Variants in TNIK observed in about 807,000 individuals in gnomAD.
TNIK encodes the protein TRAF2 and NCK interacting kinase, also known as TRAF2 and NCK-interacting protein kinase.
TNIK carries 49 observed loss-of-function variants against 191.3 expected under a neutral mutation model. The observed-to-expected ratio is 0.26, with a 90% CI of 0.20 to 0.32. The LOEUF (loss-of-function observed/expected upper bound fraction) is 0.32, where lower values mean the gene tolerates loss of function less well. Among genes scored for constraint, TNIK ranks in the 10% least tolerant of loss-of-function variants. The pLI is 1.00. For synonymous variants in TNIK, 594 were observed against 600.9 expected (o/e 0.99, Z 0.17); for missense variants, 1,155 against 1,702.3 (o/e 0.68, Z 5.66).
intron 13 of TNIK, among the ~76,000 whole-genome samples, chr3:171,140,191 CTCTG>C (rs576230749): frequency 6.6e-5 from 10 of 152,336 alleles, no homozygotes; most frequent in East Asian, 3.9e-4. Context: ...TGTCAGGGAA[CTCTG>C]TCTGGGTAGA....
chr3:171,125,986 G>T lies in TNIK; in HGVS notation c.1939C>A (p.Pro647Thr). 6.2e-7 allele frequency: 1 copy of T among 1,613,958 alleles called. No individual in the cohort carries two copies. Among genetic ancestry groups the T allele is most frequent in the East Asian group, 2.2e-5 (1 of 44,874 alleles). The change falls in exon 17 of 33, where the codon CCT becomes ACT. Residue 647 changes from proline (P) to threonine (T), a missense_variant. Pro to Thr is a conservative substitution (Grantham distance 38). Around this residue, in one of 3 missense-constraint regions of TNIK, gnomAD observed 735 missense variants for 848.0 expected, o/e 0.87. Transcript: ENST00000436636. ...TTTTCAATGCGAGTGGGGAGAGGAG[G>T]ATTTTCCGAGGTGGGATCTGAGTTC... is the stretch of plus-strand genomic sequence containing the variant. ...RQNSDPTSEN[P>T]PLPTRIEKFD... is the part of the protein sequence containing the mutation.
chr3:171,236,660 G>A (rs1317833925), intron 2 of TNIK, among the ~76,000 whole-genome samples: 3 of 152,190 alleles, frequency 2.0e-5, no homozygotes, highest in African/African-American at 7.2e-5. Context: ...GAGAAACAGG[G>A]TTCATTTTTA....
chr3:171,236,338 G>A (rs114968673), intron 2 of TNIK, among the ~76,000 whole-genome samples: 7 of 152,174 alleles, frequency 4.6e-5, no homozygotes, highest in African/African-American at 7.2e-5. Context: ...AATGGCTTAC[G>A]GTGTCCTAAC....
intron 2 of TNIK, among the ~76,000 whole-genome samples, chr3:171,263,055 G>A (rs1747842785): frequency 6.6e-6 from 1 of 152,156 alleles, no homozygotes; most frequent in South Asian, 2.1e-4. Context: ...CTAGCCTAAA[G>A]AGAAGCTAAA....
chr3:171,262,143 A>AG (rs2109133952), intron 2 of TNIK, among the ~76,000 whole-genome samples: 1 of 152,310 alleles, frequency 6.6e-6, no homozygotes, highest in Admixed American at 6.5e-5. Flanking sequence ...TGCTAGAGTG[A>AG]GGGCAGACTG....
chr3:171,160,268 ATCT>A (rs1733812349), intron 11 of TNIK, among the ~76,000 whole-genome samples: 1 of 152,200 alleles, frequency 6.6e-6, no homozygotes, highest in Admixed American at 6.5e-5. Flanking sequence ...GCTCAGTTCC[ATCT>A]TCTTATAGAA....
chr3:171,285,366 G>T (rs993966536), intron 2 of TNIK, among the ~76,000 whole-genome samples: 5 of 152,190 alleles, frequency 3.3e-5, no homozygotes, highest in African/African-American at 1.2e-4. Context: ...ATGTTAGCTT[G>T]CCTGACTTTA....
At chr3:171,304,018 G>C (rs1485939092) in intron 2 of TNIK, among the ~76,000 whole-genome samples, 3 of 151,008 alleles carry the variant, frequency 2.0e-5, no homozygotes, top group African/African-American at 7.3e-5. Context: ...GGGGAGGAAG[G>C]GTGACCTGAG....
At chr3:171,306,151 G>T (rs1753426566) in intron 2 of TNIK, among the ~76,000 whole-genome samples, 1 of 152,112 alleles carries the variant, frequency 6.6e-6, no homozygotes, top group Non-Finnish European at 1.5e-5. Context: ...TTATAAGTGG[G>T]AGCTAAATAA....
intron 9 of TNIK, among the ~76,000 whole-genome samples, chr3:171,175,036 T>A (rs994227397): frequency 6.6e-6 from 1 of 152,208 alleles, no homozygotes; most frequent in Admixed American, 6.5e-5. Flanking sequence ...AATAATTTCT[T>A]ACCTTAAAGG....
At chr3:171,085,696 CCTT>C (rs1721261501) in intron 24 of TNIK, among the ~76,000 whole-genome samples, 2 of 152,232 alleles carry the variant, frequency 1.3e-5, no homozygotes, top group African/African-American at 4.8e-5. Flanking sequence ...AGCTTTGAGC[CCTT>C]CTACTCTGGC....
At position 171,087,359 on chromosome 3, in the gene TNIK, T is replaced by C. The variant is rs200347488; in HGVS notation, c.2869A>G (p.Met957Val). The C allele has an allele frequency of 9.0e-5, 145 of 1,613,756 alleles. 1 individual carries two copies. Among genetic ancestry groups the C allele is most frequent in the Admixed American group, 1.7e-5 (1 of 60,000 alleles). ...LGRVSTHSQE[M>V]DSGTEYGMGS... Reference sequence around the variant, plus strand: ...GCACCTACTTCAGTCCCAGAGTCCATCTCCTGGGAATGGGTTGAGACGCGC... The same window carrying C: ...GCACCTACTTCAGTCCCAGAGTCCACCTCCTGGGAATGGGTTGAGACGCGC... Residue 957 changes from methionine to valine, a missense_variant, in exon 24 of 33, where the codon ATG becomes GTG. By Grantham distance (21) the Met-to-Val change is conservative. Coordinates refer to ENST00000436636, the MANE Select transcript of TNIK (RefSeq NM_015028.4).
intron 2 of TNIK, among the ~76,000 whole-genome samples, chr3:171,335,892 A>G (rs549967682): frequency 6.6e-6 from 1 of 152,308 alleles, no homozygotes; most frequent in South Asian, 2.1e-4. Context: ...CATTCCTATC[A>G]GCAAGGTATG....
intron 3 of TNIK, chr3:171,225,587 T>C: frequency 2.2e-6 from 1 of 456,594 alleles, no homozygotes. Context: ...TCATCTTCTG[T>C]AGAGCTTAGA....
At chr3:171,322,524 TA>T (rs1755267827) in intron 2 of TNIK, among the ~76,000 whole-genome samples, 1 of 152,138 alleles carries the variant, frequency 6.6e-6, no homozygotes, top group Admixed American at 6.5e-5. Context: ...GTGTTTTCTT[TA>T]AAAAAATAAC....
In TNIK at chr3:171,066,541, T is replaced by G. The variant is rs969390417; in HGVS notation, c.3859+35A>C. The G allele has an allele frequency of 1.9e-6, 3 of 1,612,370 alleles. No homozygotes were observed. In the African/African-American group the frequency reaches 4.0e-5, roughly 22 times the overall value. On this transcript the variant is annotated intron_variant, in intron 31 of 32. Coordinates refer to ENST00000436636, the MANE Select transcript of TNIK (RefSeq NM_015028.4). ...TGATTTTCGTTTCATTTGGGGGGTG[T>G]AACTGCTGAAGGAGATAAGGAATGG...
chr3:171,063,731 A>G lies in TNIK; in HGVS notation c.*150T>C, dbSNP rs1718076120. Reference sequence around the variant, plus strand: ...GCTGCAACATTGAAAGATGGACTGTACTGGGAGGGGCGGAGGGAGAGGAAA... The same window carrying G: ...GCTGCAACATTGAAAGATGGACTGTGCTGGGAGGGGCGGAGGGAGAGGAAA... On this transcript the variant is annotated 3_prime_UTR_variant, in exon 33 of 33. Coordinates refer to ENST00000436636, the MANE Select transcript of TNIK (RefSeq NM_015028.4). The G allele has an allele frequency of 1.4e-6, 1 of 703,114 alleles. No individual in the cohort carries two copies. Among genetic ancestry groups the G allele is most frequent in the African/African-American group, 1.8e-5 (1 of 55,006 alleles). 43.6% of individuals were successfully genotyped at this position (703,114 alleles called of 1,614,324 possible).
At chr3:171,300,729 A>AT (rs1752793438) in intron 2 of TNIK, among the ~76,000 whole-genome samples, 2 of 152,086 alleles carry the variant, frequency 1.3e-5, no homozygotes, top group African/African-American at 4.8e-5. Context: ...TCTTTTTATG[A>AT]TTTTCTCAAC....
intron 15 of TNIK, among the ~76,000 whole-genome samples, chr3:171,134,926 T>G (rs1729770373): frequency 6.6e-6 from 1 of 152,118 alleles, no homozygotes; most frequent in Admixed American, 6.5e-5. Flanking sequence ...AAAAACTTGA[T>G]GAGACGGCAT....
Sources: gnomAD v4.1 joint callset for allele counts (sites outside exome capture counted in the v4.1 genomes callset) on GRCh38, gnomAD v4.1.1 for gene constraint, gnomAD v4.1.1 regional missense constraint, MANE v1.5 for transcripts, NCBI Gene and HGNC (gene_info 2026-07-23, HGNC 2026-07-21) for gene names.